Variants in PCDHGA1 observed in about 807,000 individuals in gnomAD.
PCDHGA1 encodes the protein protocadherin gamma-A1.
In PCDHGA1, 32 loss-of-function variants were observed where a neutral mutation model predicts 58.0. The observed-to-expected ratio is 0.55, with a 90% CI of 0.42 to 0.74. The LOEUF (loss-of-function observed/expected upper bound fraction) is 0.74, where lower values mean the gene tolerates loss of function less well. Ranked by LOEUF, PCDHGA1 falls within the 30% of genes least tolerant of loss-of-function variation. The probability of loss-of-function intolerance (pLI) is 0.00; values close to 1 mark genes in which losing one functional copy is unlikely to be tolerated. For missense variants in PCDHGA1, 1,205 were observed against 1,182.3 expected (o/e 1.02, Z -0.28); for synonymous variants, 498 against 501.1 (o/e 0.99, Z 0.08).
At chr5:141,445,169 T>C (rs2098458681) in intron 1 of PCDHGA1, among the ~76,000 whole-genome samples, 3 of 152,320 alleles carry the variant, frequency 2.0e-5, no homozygotes, top group Non-Finnish European at 1.5e-5. Flanking sequence ...TACAGAAAAA[T>C]GAAAAACTAT....
At chr5:141,480,738 T>C (rs2099524955) in intron 1 of PCDHGA1, among the ~76,000 whole-genome samples, 1 of 152,124 alleles carries the variant, frequency 6.6e-6, no homozygotes, top group Admixed American at 6.5e-5. Flanking sequence ...GGGTGGGACA[T>C]AGGCATCATT....
intron 1 of PCDHGA1, chr5:141,393,734 A>G (rs1453820640): frequency 1.9e-6 from 3 of 1,613,888 alleles, no homozygotes; most frequent in East Asian, 2.2e-5. Context: ...CAAAAAGTCT[A>G]GATTATGAAG....
chr5:141,399,940 C>T lies in PCDHGA1; in HGVS notation c.2421+66835C>T, dbSNP rs374856105. On this transcript the variant is annotated intron_variant, in intron 1 of 3. Transcript: ENST00000517417. Reference sequence around the variant, plus strand: ...CAACGCCTGGCTGTCCTACCACGTGCTGCAGGCTAGCGAGCCCGGGCTCTT... The same window carrying T: ...CAACGCCTGGCTGTCCTACCACGTGTTGCAGGCTAGCGAGCCCGGGCTCTT... 4.8e-4 allele frequency: 772 copies of T among 1,612,360 alleles called. 1 individual carries two copies. In the African/African-American group the frequency reaches 9.6e-3, roughly 20 times the overall value.
intron 1 of PCDHGA1, chr5:141,371,552 A>G (rs1414054761): frequency 1.9e-6 from 3 of 1,613,854 alleles, no homozygotes; most frequent in Admixed American, 1.7e-5. Context: ...TATGCCAACT[A>G]AAAGGAAACT....
chr5:141,403,299 T>A (rs1247528606), intron 1 of PCDHGA1: 1 of 1,613,896 alleles, frequency 6.2e-7, no homozygotes, highest in Admixed American at 1.7e-5. Flanking sequence ...AGAGTGAAAC[T>A]GTACGGAATA....
intron 1 of PCDHGA1, among the ~76,000 whole-genome samples, chr5:141,456,946 G>A (rs182320066): frequency 2.3e-4 from 35 of 152,284 alleles, no homozygotes; most frequent in Admixed American, 2.3e-3. Context: ...CTGGGCAACA[G>A]AGCAAAACTC....
At position 141,384,635 on chromosome 5, in the gene PCDHGA1, C is replaced by G. The variant is rs752480661; in HGVS notation, c.2421+51530C>G. On this transcript the variant is annotated intron_variant, in intron 1 of 3. Coordinates refer to ENST00000517417, the MANE Select transcript of PCDHGA1 (RefSeq NM_018912.3). The stretch of plus-strand genomic sequence containing the variant: ...GGTTCTACTGGCATGGAGCTGGCAC[C>G]CCGCTCCGCAGAGCCCGGCTACCTG... The G allele has an allele frequency of 1.9e-6, 3 of 1,614,214 alleles. No individual in the cohort carries two copies. The East Asian group carries it at 6.7e-5, about 36-fold the overall frequency.
At chr5:141,418,307 A>C (rs372854408) in intron 1 of PCDHGA1, 24 of 1,613,982 alleles carry the variant, frequency 1.5e-5, no homozygotes, top group Non-Finnish European at 2.0e-5. Context: ...CAGCCTGGGG[A>C]TGGGAACAAT....
intron 2 of PCDHGA1, among the ~76,000 whole-genome samples, chr5:141,501,159 C>G (rs1475164887): frequency 6.6e-6 from 1 of 152,096 alleles, no homozygotes; most frequent in East Asian, 1.9e-4. Context: ...GAGCCACCAT[C>G]CCCAGCCTCA....
At position 141,485,044 on chromosome 5, in the gene PCDHGA1, G is replaced by A; in HGVS notation, c.2422-9763G>A. 2 of 737,674 alleles carry A rather than the reference G, an allele frequency of 2.7e-6. No individual in the cohort carries two copies. The highest frequency in any genetic ancestry group is 1.8e-5 in the African/African-American group (1 of 56,792). The allele number at this position is 737,674 out of a possible 1,614,324, so 45.7% of individuals were successfully genotyped here. A position where few individuals can be genotyped will look rare whatever the true frequency, so the allele number is the denominator to read the frequency against. ...GCAAAAACGGCGCGTAACCCTTGCG[G>A]CGCCGGCCGAACCGCGCCAGAGCTG... On this transcript the variant is annotated intron_variant, in intron 1 of 3. Coordinates refer to ENST00000517417, the MANE Select transcript of PCDHGA1 (RefSeq NM_018912.3). This position sits in a 1 kb window ranked among gnomAD's most constrained non-coding sequence, Gnocchi z 5.7.
chr5:141,431,617 C>A lies in PCDHGA1; in HGVS notation c.2422-63190C>A. ...GGTATTCCTTCCGGTATGTGGACGA[C>A]AAGGCGGCCCAAGTTTTCAAACTAG... On this transcript the variant is annotated intron_variant, in intron 1 of 3. Coordinates refer to ENST00000517417, the MANE Select transcript of PCDHGA1 (RefSeq NM_018912.3). This position sits in a 1 kb window ranked among gnomAD's most constrained non-coding sequence, Gnocchi z 4.8. 6.2e-7 allele frequency: 1 copy of A among 1,614,236 alleles called. No homozygotes were observed. Among genetic ancestry groups the A allele is most frequent in the Non-Finnish European group, 8.5e-7 (1 of 1,180,044 alleles).
At chr5:141,357,095 T>A in intron 1 of PCDHGA1, 1 of 1,613,868 alleles carries the variant, frequency 6.2e-7, no homozygotes, top group African/African-American at 1.3e-5. Context: ...GCACGGGCCC[T>A]GCTGGACAGA....
chr5:141,489,335 G>T lies in PCDHGA1; in HGVS notation c.2422-5472G>T. On this transcript the variant is annotated intron_variant, in intron 1 of 3. Transcript: ENST00000517417. This position sits in a 1 kb window ranked among gnomAD's most constrained non-coding sequence, Gnocchi z 4.5. ...TGGGGCTGGGTGTCTGGGCAGCTTC[G>T]TTACTCAGTGGTGGAGGAGTCTGAG... 1.2e-6 allele frequency: 2 copies of T among 1,607,364 alleles called. No individual in the cohort carries two copies. The highest frequency in any genetic ancestry group is 1.7e-6 in the Non-Finnish European group (2 of 1,175,842).
chr5:141,347,763 G>A (rs967666053), intron 1 of PCDHGA1, among the ~76,000 whole-genome samples: 4 of 151,586 alleles, frequency 2.6e-5, no homozygotes, highest in Non-Finnish European at 5.9e-5. Context: ...CTCCAGCTGG[G>A]GCAATAGAGA....
In PCDHGA1 at chr5:141,332,898, G is replaced by A. The variant is rs772040035; in HGVS notation, c.2214G>A (p.Ser738=). ...GCGGCTTAGCGAGCATGCCCGGTTC[G>A]CACTTTGTGGGCGTGGACGGGGTTC... The part of the protein sequence containing the change: ...SGGGLASMPG[S]HFVGVDGVRA... Residue 738 remains serine, a synonymous_variant, in exon 1 of 4, where the codon TCG becomes TCA. Coordinates refer to ENST00000517417, the MANE Select transcript of PCDHGA1 (RefSeq NM_018912.3). This position sits in a 1 kb window ranked among gnomAD's most constrained non-coding sequence, Gnocchi z 4.6. The A allele has an allele frequency of 1.9e-6, 3 of 1,614,216 alleles. No homozygotes were observed. Among genetic ancestry groups the A allele is most frequent in the Middle Eastern group, 1.7e-4 (1 of 6,058 alleles).
chr5:141,375,192 A>G, intron 1 of PCDHGA1: 3 of 1,613,952 alleles, frequency 1.9e-6, no homozygotes, highest in South Asian at 2.2e-5. Context: ...GCCCTTTTTC[A>G]AGTGTTCGAT....
rs754972380 is a variant in PCDHGA1 at position 141,362,072 on chromosome 5, T to C, written c.2421+28967T>C. 9 of 1,612,630 alleles carry C rather than the reference T, an allele frequency of 5.6e-6. No individual in the cohort carries two copies. In the East Asian group the frequency reaches 1.3e-4, roughly 24 times the overall value. ...GCCCGCCAGCGCCTGCTGGTCGCTG[T>C]GCGTGATGGAGGACAGCCGCCACTC... On this transcript the variant is annotated intron_variant, in intron 1 of 3. Transcript: ENST00000517417.
chr5:141,414,657 C>T (rs1313928067), intron 1 of PCDHGA1: 1 of 1,614,004 alleles, frequency 6.2e-7, no homozygotes, highest in Admixed American at 1.7e-5. Context: ...TTATTTACTC[C>T]CTGGCTGAAG....
chr5:141,509,068 G>T (rs1267011061), intron 3 of PCDHGA1, among the ~76,000 whole-genome samples: 1 of 152,144 alleles, frequency 6.6e-6, no homozygotes, highest in Non-Finnish European at 1.5e-5. Context: ...TCTCAGCTCC[G>T]GGGATTTGCG....
Sources: gnomAD v4.1 joint callset for allele counts (sites outside exome capture counted in the v4.1 genomes callset) on GRCh38, gnomAD v4.1.1 for gene constraint, Gnocchi (gnomAD v3.1) non-coding constraint, MANE v1.5 for transcripts, NCBI Gene and HGNC (gene_info 2026-07-23, HGNC 2026-07-21) for gene names.